Variants in NEDD4L observed in about 807,000 individuals in gnomAD.
The protein encoded by NEDD4L is NEDD4 like E3 ubiquitin protein ligase.
Under a neutral mutation model 148.9 loss-of-function variants are expected in NEDD4L, and 54 were observed. The observed-to-expected ratio is 0.36, with a 90% CI of 0.29 to 0.45. NEDD4L has a LOEUF of 0.45. Ranked by LOEUF, NEDD4L falls within the 20% of genes least tolerant of loss-of-function variation. The probability of loss-of-function intolerance (pLI) is 1.00; values close to 1 mark genes in which losing one functional copy is unlikely to be tolerated. For missense variants in NEDD4L, 856 were observed against 1,233.8 expected, an observed-to-expected ratio of 0.69 and a Z score of 4.59; for synonymous variants, 433 against 440.7, an observed-to-expected ratio of 0.98 and a Z score of 0.22.
In NEDD4L at chr18:58,182,263, A is replaced by G. The variant is rs558878829; in HGVS notation, c.122+16402A>G. Reference sequence around the variant, plus strand: ...AAAATGCGGGGCGGGGGGTGAATGCATCTGCTCATTTTGTAATAAAGTCCT... The same window carrying G: ...AAAATGCGGGGCGGGGGGTGAATGCGTCTGCTCATTTTGTAATAAAGTCCT... On this transcript the variant is annotated intron_variant, in intron 2 of 30. Transcript: ENST00000400345. Among the ~76,000 whole-genome samples, 8 of 152,280 alleles carry G rather than the reference A, an allele frequency of 5.3e-5. No homozygotes were observed. The East Asian group carries it at 1.5e-3, about 29-fold the overall frequency.
chr18:58,119,104 T>C (rs2086053249), intron 1 of NEDD4L, among the ~76,000 whole-genome samples: 1 of 152,194 alleles, frequency 6.6e-6, no homozygotes, highest in Admixed American at 6.5e-5. Flanking sequence ...TCCAAGCCAG[T>C]CTTCATTGAA....
chr18:58,187,763 T>G (rs1445374078), intron 2 of NEDD4L, among the ~76,000 whole-genome samples: 1 of 152,214 alleles, frequency 6.6e-6, no homozygotes, highest in African/African-American at 2.4e-5. Flanking sequence ...GAACTTGTAT[T>G]CTGAAAGCAA....
At chr18:58,388,310 C>T (rs1602015422) in intron 27 of NEDD4L, 1 of 152,152 alleles carries the variant, frequency 6.6e-6, no homozygotes, top group Non-Finnish European at 1.5e-5. Context: ...AGTTCAAGAT[C>T]GATGATGTCT....
chr18:58,209,433 T>C (rs73450471), intron 2 of NEDD4L, among the ~76,000 whole-genome samples: 1,305 of 13,132 alleles, frequency 0.099, 349 homozygotes, highest in East Asian at 0.45. Context: ...ACCTCCTCCT[T>C]CTCTTTCTGC....
At chr18:58,180,224 G>A (rs1430752675) in intron 2 of NEDD4L, among the ~76,000 whole-genome samples, 1 of 152,170 alleles carries the variant, frequency 6.6e-6, no homozygotes, top group East Asian at 1.9e-4. Context: ...GTGCCTTGCC[G>A]GTGCCCAGAA....
intron 1 of NEDD4L, among the ~76,000 whole-genome samples, chr18:58,126,648 G>A (rs139225707): frequency 2.0e-5 from 3 of 152,320 alleles, no homozygotes; most frequent in African/African-American, 7.2e-5. Context: ...TAACCATGGA[G>A]TTACGGTAAC....
chr18:58,285,194 G>C (rs1374505270), intron 5 of NEDD4L, among the ~76,000 whole-genome samples: 2 of 152,138 alleles, frequency 1.3e-5, no homozygotes, highest in Non-Finnish European at 2.9e-5. Context: ...GATTGTGTGT[G>C]TGCGCAGAAC....
intron 1 of NEDD4L, among the ~76,000 whole-genome samples, chr18:58,150,162 A>G (rs1184102900): frequency 6.6e-6 from 1 of 152,244 alleles, no homozygotes; most frequent in Non-Finnish European, 1.5e-5. Context: ...GATGTCTTTC[A>G]GTTCTAAATC....
At chr18:58,137,513 T>A (rs2032979537) in intron 1 of NEDD4L, among the ~76,000 whole-genome samples, 1 of 152,104 alleles carries the variant, frequency 6.6e-6, no homozygotes, top group Non-Finnish European at 1.5e-5. Context: ...GAGAAGCTTG[T>A]GTTTGAGAGG....
chr18:58,262,935 A>T (rs2049647160), intron 5 of NEDD4L, among the ~76,000 whole-genome samples: 1 of 152,150 alleles, frequency 6.6e-6, no homozygotes, highest in Non-Finnish European at 1.5e-5. Context: ...AGGATGGAGG[A>T]TGGAATCAAT....
intron 19 of NEDD4L, among the ~76,000 whole-genome samples, chr18:58,359,550 CT>C (rs2045199493): frequency 6.6e-6 from 1 of 152,010 alleles, no homozygotes; most frequent in Non-Finnish European, 1.5e-5. Flanking sequence ...TATGTTTTAT[CT>C]TTTTTCTCCC....
chr18:58,332,422 C>T (rs575228983), intron 11 of NEDD4L, among the ~76,000 whole-genome samples: 15 of 152,224 alleles, frequency 9.9e-5, no homozygotes, highest in Non-Finnish European at 1.9e-4. Flanking sequence ...CTGAAGCAGG[C>T]GGATCACCTG....
intron 19 of NEDD4L, among the ~76,000 whole-genome samples, chr18:58,358,222 C>T (rs964623526): frequency 2.6e-5 from 4 of 152,128 alleles, no homozygotes; most frequent in Non-Finnish European, 5.9e-5. Flanking sequence ...CAAATGTGCC[C>T]CGGTAACTGA....
Position 58,066,387 on chromosome 18 carries a change from GTTT to G in NEDD4L, c.48+21700_48+21702del, listed in dbSNP as rs368243667. On this transcript the variant is annotated intron_variant, in intron 1 of 30. Transcript: ENST00000400345. ...GTAAATTTAGATCCACTCTGTATTAGTTTTTTTTTTTTTTTTTTTTTTTAACGG... is the reference window on the plus strand; with the variant it reads ...GTAAATTTAGATCCACTCTGTATTAGTTTTTTTTTTTTTTTTTTTTAACGG... 1.2e-3 allele frequency among the ~76,000 whole-genome samples: 132 copies of G among 112,122 alleles called. 1 individual carries two copies. Among genetic ancestry groups the G allele is most frequent in the East Asian group, 5.3e-3 (15 of 2,856 alleles). 73.6% of individuals were successfully genotyped at this position (112,122 alleles called of 152,430 possible).
chr18:58,365,663 G>A (rs1048992887), intron 20 of NEDD4L, among the ~76,000 whole-genome samples: 23 of 152,322 alleles, frequency 1.5e-4, no homozygotes, highest in African/African-American at 5.5e-4. Flanking sequence ...TCTCTTGAGT[G>A]AAGCAACAGA....
rs1014560535 is a variant in NEDD4L, at chr18:58,282,257, T to G, written c.297+30203T>G. On this transcript the variant is annotated intron_variant, in intron 5 of 30. Transcript: ENST00000400345. ...GTAGCATTTTCTAATTTGGTTAAAA[T>G]GCTGTCATTAGCTGGTAAATGCAGT... is the stretch of plus-strand genomic sequence containing the variant. Among the ~76,000 whole-genome samples the G allele has an allele frequency of 4.6e-5, 7 of 151,964 alleles. No homozygotes were observed. The East Asian group carries it at 1.2e-3, about 25-fold the overall frequency.
intron 1 of NEDD4L, among the ~76,000 whole-genome samples, chr18:58,072,872 G>GCGCACACACACA (rs1555682058): frequency 1.2e-4 from 16 of 131,556 alleles, no homozygotes; most frequent in African/African-American, 5.1e-4. Context: ...GCGCGCGCGC[G>GCGCACACACACA]CACACACACA....
At chr18:58,288,388 C>A (rs1334375907) in intron 5 of NEDD4L, among the ~76,000 whole-genome samples, 2 of 152,042 alleles carry the variant, frequency 1.3e-5, no homozygotes, top group African/African-American at 4.8e-5. Flanking sequence ...AAATAAAATT[C>A]TAAAAGGAAT....
At chr18:58,275,814 C>T (rs1371451440) in intron 5 of NEDD4L, among the ~76,000 whole-genome samples, 1 of 152,142 alleles carries the variant, frequency 6.6e-6, no homozygotes, top group Non-Finnish European at 1.5e-5. Flanking sequence ...ACTTAACAAG[C>T]AGGAAGTCTG....
Sources: allele counts gnomAD v4.1 joint callset (sites outside exome capture counted in the v4.1 genomes callset), GRCh38; gene constraint gnomAD v4.1.1; transcripts MANE v1.5; gene names NCBI Gene and HGNC (gene_info 2026-07-23, HGNC 2026-07-21).